Variants in HMMR observed in about 807,000 individuals in gnomAD.
HMMR encodes hyaluronan mediated motility receptor, also known as intracellular hyaluronic acid-binding protein.
Under a neutral mutation model 101.0 loss-of-function variants are expected in HMMR, and 108 were observed. The ratio of observed to expected loss-of-function variants is 1.07; its 90% CI spans 0.92 to 1.25. HMMR has a LOEUF of 1.25. HMMR is among the 50% of genes most tolerant of loss of function. The probability of loss-of-function intolerance (pLI) is 0.00; values close to 1 mark genes in which losing one functional copy is unlikely to be tolerated. For synonymous variants in HMMR, 296 were observed against 276.4 expected (o/e 1.07, Z -0.70); for missense variants, 813 against 788.7 (o/e 1.03, Z -0.37).
In HMMR at chr5:163,483,368, GT is replaced by G. The variant is rs745828323; in HGVS notation, c.1785+4del. 1 of 1,521,050 alleles carries G rather than the reference GT, an allele frequency of 6.6e-7. No homozygotes were observed. The highest frequency in any genetic ancestry group is 9.1e-7 in the Non-Finnish European group (1 of 1,101,606). 94.2% of individuals were successfully genotyped at this position (1,521,050 alleles called of 1,614,324 possible). On this transcript the variant is annotated splice_donor_variant, in intron 15 of 17. Coordinates refer to ENST00000393915, the MANE Select transcript of HMMR (RefSeq NM_001142556.2). LOFTEE classifies it high-confidence loss of function. ...ATATAATAAAACAAAACCTTTTCAG[GT>G]TTGTCAGTTAGGAGTAAACTTACTT... is the stretch of plus-strand genomic sequence containing the variant.
chr5:163,487,242 A>T (rs1759510051), intron 16 of HMMR, among the ~76,000 whole-genome samples: 1 of 152,130 alleles, frequency 6.6e-6, no homozygotes, highest in South Asian at 2.1e-4. Flanking sequence ...GATGTATTTT[A>T]TTAATTGATT....
At position 163,483,368 on chromosome 5, in the gene HMMR, G is replaced by A. The variant is rs773882526; in HGVS notation, c.1785+1G>A. 1 of 1,521,050 alleles carries A rather than the reference G, an allele frequency of 6.6e-7. No homozygotes were observed. Among genetic ancestry groups the A allele is most frequent in the Admixed American group, 1.7e-5 (1 of 57,684 alleles). The allele number at this position is 1,521,050 out of a possible 1,614,324, so 94.2% of individuals were successfully genotyped here. On this transcript the variant is annotated splice_donor_variant, in intron 15 of 17. Transcript: ENST00000393915. LOFTEE classifies it high-confidence loss of function. ...ATATAATAAAACAAAACCTTTTCAG[G>A]TTTGTCAGTTAGGAGTAAACTTACT...
At chr5:163,473,297 A>G in intron 8 of HMMR, 44 bp downstream of exon 8, 1 of 1,469,810 alleles carries the variant, frequency 6.8e-7, no homozygotes, top group Non-Finnish European at 9.4e-7. Context: ...TTTTTTTAAT[A>G]CTCAGTCATT....
rs1245083785 is a variant in HMMR at position 163,473,562 on chromosome 5, T to G, written c.904+5T>G. 1 of 1,537,518 alleles carries G rather than the reference T, an allele frequency of 6.5e-7. No homozygotes were observed. ...AGCTGCTTGAAAAAGAAAAAGGTAT[T>G]ACAGTGTTTTATAGTTACTTTGTTT... On this transcript the variant is annotated splice_donor_5th_base_variant and intron_variant, in intron 9 of 17. Transcript: ENST00000393915.
At chr5:163,484,737 T>G (rs1224993701) in intron 16 of HMMR, among the ~76,000 whole-genome samples, 1 of 152,092 alleles carries the variant, frequency 6.6e-6, no homozygotes, top group African/African-American at 2.4e-5. Flanking sequence ...TGAAACCTTG[T>G]TATCCTTTTC....
rs1252018019 is a variant in HMMR at position 163,460,667 on chromosome 5, T to G, written c.-26T>G. 8 of 1,595,876 alleles carry G rather than the reference T, an allele frequency of 5.0e-6. No homozygotes were observed. The highest frequency in any genetic ancestry group is 6.0e-6 in the Non-Finnish European group (7 of 1,169,812). On this transcript the variant is annotated 5_prime_UTR_variant, in exon 1 of 18. Transcript: ENST00000393915. Reference sequence around the variant, plus strand: ...CAGTTGTCGAGGAGTGCCAGTCACCTTCAGTTTCTGGAGCTGGCCGTCAAC... The same window carrying G: ...CAGTTGTCGAGGAGTGCCAGTCACCGTCAGTTTCTGGAGCTGGCCGTCAAC...
At chr5:163,461,897 CAG>C (rs1294785180) in intron 1 of HMMR, among the ~76,000 whole-genome samples, 5 of 150,946 alleles carry the variant, frequency 3.3e-5, no homozygotes, top group African/African-American at 4.9e-5. Flanking sequence ...GATGAGAAAA[CAG>C]AGGTTTTGTA....
At position 163,490,559 on chromosome 5, in the gene HMMR, C is replaced by A; in HGVS notation, c.2125+7C>A. Reference sequence around the variant, plus strand: ...AAGACCCCATTAAAAGAAGGTAAGACATGAATAAATGTATAAAAGTGTCCT... The same window carrying A: ...AAGACCCCATTAAAAGAAGGTAAGAAATGAATAAATGTATAAAAGTGTCCT... On this transcript the variant is annotated splice_region_variant and intron_variant, in intron 17 of 17. Coordinates refer to ENST00000393915, the MANE Select transcript of HMMR (RefSeq NM_001142556.2). 6.3e-7 allele frequency: 1 copy of A among 1,575,932 alleles called. No individual in the cohort carries two copies. Among genetic ancestry groups the A allele is most frequent in the Non-Finnish European group, 8.6e-7 (1 of 1,161,282 alleles).
chr5:163,463,307 A>G (rs973233873), intron 1 of HMMR, among the ~76,000 whole-genome samples: 4 of 152,250 alleles, frequency 2.6e-5, no homozygotes, highest in Middle Eastern at 3.2e-3. Flanking sequence ...AATGCCTGGC[A>G]TTTAGTAAGT....
In HMMR at chr5:163,475,460, A is replaced by G; in HGVS notation, c.1056A>G (p.Glu352=). Residue 352 remains glutamate, a splice_region_variant and synonymous_variant, in exon 11 of 18, where the codon GAA becomes GAG. Coordinates refer to ENST00000393915, the MANE Select transcript of HMMR (RefSeq NM_001142556.2). ...GGTGGTTTTCTGTTTGGATATAGGAATTATCTTCGAGTCTTCATCAGAAGC... is the reference window on the plus strand; with the variant it reads ...GGTGGTTTTCTGTTTGGATATAGGAGTTATCTTCGAGTCTTCATCAGAAGC... ...QIDSLLQQEK[E]LSSSLHQKLC... is the part of the protein sequence containing the mutation. 1 of 1,572,720 alleles carries G rather than the reference A, an allele frequency of 6.4e-7. No homozygotes were observed. Among genetic ancestry groups the G allele is most frequent in the Non-Finnish European group, 8.7e-7 (1 of 1,153,414 alleles).
intron 16 of HMMR, among the ~76,000 whole-genome samples, 167 bp downstream of exon 16, chr5:163,484,412 G>A (rs1759399120): frequency 6.6e-6 from 1 of 152,068 alleles, no homozygotes; most frequent in Admixed American, 6.5e-5. Flanking sequence ...GACCAGATGG[G>A]CATTCAATGT....
chr5:163,483,095 A>G lies in HMMR; in HGVS notation c.1608A>G (p.Gln536=), dbSNP rs1311136159. ...AAGAAATCACAGTTTCTTTTCTTCA[A>G]AAAATAACTGATTTGCAGAACCAAC... ...EIKEITVSFL[Q]KITDLQNQLK... is the part of the protein sequence containing the mutation. The change falls in exon 14 of 18, where the codon CAA becomes CAG. Residue 536 remains glutamine, a synonymous_variant. Transcript: ENST00000393915. 2 of 1,613,156 alleles carry G rather than the reference A, an allele frequency of 1.2e-6. No homozygotes were observed. The highest frequency in any genetic ancestry group is 1.7e-6 in the Non-Finnish European group (2 of 1,179,540).
In HMMR at chr5:163,473,334, G is replaced by A. The variant is rs774431652; in HGVS notation, c.726-45G>A. 3.9e-6 allele frequency: 6 copies of A among 1,535,562 alleles called. No homozygotes were observed. The South Asian group carries it at 4.6e-5, about 12-fold the overall frequency. On this transcript the variant is annotated intron_variant, in intron 8 of 17. Transcript: ENST00000393915. ...TCATCATTTTTCTGTTATTTTCCCT[G>A]TGCCTAAATAGATGTGCTTTTTAAG... is the stretch of plus-strand genomic sequence containing the variant.
At chr5:163,474,747 G>C (rs1262008653) in intron 10 of HMMR, 3 of 379,070 alleles carry the variant, frequency 7.9e-6, no homozygotes, top group South Asian at 6.1e-5. Context: ...TAAAACATTT[G>C]ATAACACAAA....
chr5:163,473,582 T>A, intron 9 of HMMR, 25 bp downstream of exon 9: 1 of 1,443,236 alleles, frequency 6.9e-7, no homozygotes, highest in Non-Finnish European at 9.4e-7. Context: ...TATAGTTACT[T>A]TGTTTAGATA....
At chr5:163,470,134 C>T (rs1758837423) in intron 5 of HMMR, among the ~76,000 whole-genome samples, 1 of 152,120 alleles carries the variant, frequency 6.6e-6, no homozygotes, top group Non-Finnish European at 1.5e-5. Flanking sequence ...CGCCATTGCA[C>T]TTCAGCCTAG....
rs79136198 is a variant in HMMR, at chr5:163,484,136, A to C, written c.1853A>C (p.Gln618Pro). 2.4e-5 allele frequency: 39 copies of C among 1,605,454 alleles called. No individual in the cohort carries two copies. In the East Asian group the frequency reaches 7.8e-4, roughly 32 times the overall value. Residue 618 changes from glutamine to proline, a missense_variant, in exon 16 of 18, where the codon CAG (glutamine) becomes CCG (proline). Transcript: ENST00000393915. Reference protein sequence around the residue: ...LLNEHGAAQEQLNKIRDSYAK... With the variant: ...LLNEHGAAQEPLNKIRDSYAK... ...AATGAACATGGTGCAGCTCAGGAAC[A>C]GCTAAATAAAATAAGAGATTCATAT...
chr5:163,463,881 T>G lies in HMMR; in HGVS notation c.72T>G (p.Tyr24Ter). The G allele has an allele frequency of 6.7e-7, 1 of 1,484,898 alleles. No individual in the cohort carries two copies. The highest frequency in any genetic ancestry group is 9.0e-7 in the Non-Finnish European group (1 of 1,113,802). The allele number at this position is 1,484,898 out of a possible 1,614,324, so 92.0% of individuals were successfully genotyped here. A position where few individuals can be genotyped will look rare whatever the true frequency, so the allele number is the denominator to read the frequency against. The change falls in exon 2 of 18, where the codon TAT becomes TAG. Residue 24 changes from tyrosine to a stop codon, truncating the protein, a stop_gained. Coordinates refer to ENST00000393915, the MANE Select transcript of HMMR (RefSeq NM_001142556.2). LOFTEE classifies it high-confidence loss of function. ...PSGCAPSPGA[Y>*]DVKTLEVLKG... ...GTTGTGCACCATCTCCAGGTGCTTA[T>G]GATGTTAAAACTTTAGAAGTATTGA... is the stretch of plus-strand genomic sequence containing the variant.
At position 163,478,670 on chromosome 5, in the gene HMMR, T is replaced by G; in HGVS notation, c.1269-14T>G. ...TAGGTGGCATTTTATCTTTCAATTA[T>G]TTCTTTTTCTTAGGAAGGAGGCTGA... On this transcript the variant is annotated splice_polypyrimidine_tract_variant and intron_variant, in intron 11 of 17. Transcript: ENST00000393915. 1 of 1,513,368 alleles carries G rather than the reference T, an allele frequency of 6.6e-7. No homozygotes were observed. The highest frequency in any genetic ancestry group is 9.2e-7 in the Non-Finnish European group (1 of 1,088,864). 93.7% of individuals were successfully genotyped at this position (1,513,368 alleles called of 1,614,324 possible). A position where few individuals can be genotyped will look rare whatever the true frequency, so the allele number is the denominator to read the frequency against.
Sources: gnomAD v4.1 joint callset for allele counts (sites outside exome capture counted in the v4.1 genomes callset) on GRCh38, gnomAD v4.1.1 for gene constraint, MANE v1.5 for transcripts, NCBI Gene and HGNC (gene_info 2026-07-23, HGNC 2026-07-21) for gene names.